The following ADGRL3 variants were observed in gnomAD, a reference collection of about 807,000 sequenced individuals.
ADGRL3 encodes the protein adhesion G protein-coupled receptor L3.
Under a neutral mutation model 153.5 loss-of-function variants are expected in ADGRL3, and 62 were observed. That is an observed-to-expected ratio of 0.40 (90% CI 0.33 to 0.50). The LOEUF is 0.50. Ranked by LOEUF, ADGRL3 falls within the 20% of genes least tolerant of loss-of-function variation. The pLI, the probability that ADGRL3 is intolerant of heterozygous loss-of-function variation, is 0.47. For synonymous variants in ADGRL3, 710 were observed against 672.5 expected, an observed-to-expected ratio of 1.06 and a Z score of -0.86; for missense variants, 1,641 against 1,859.4, an observed-to-expected ratio of 0.88 and a Z score of 2.16.
chr4:61,527,214 G>GA (rs1359237127), intron 4 of ADGRL3, among the ~76,000 whole-genome samples: 3 of 151,814 alleles, frequency 2.0e-5, no homozygotes, highest in Admixed American at 6.6e-5. Flanking sequence ...ACATCTGAAA[G>GA]AAAAAATATA....
At chr4:61,363,384 T>C (rs958050659) in intron 1 of ADGRL3, among the ~76,000 whole-genome samples, 2 of 152,154 alleles carry the variant, frequency 1.3e-5, no homozygotes, top group African/African-American at 4.8e-5. Context: ...AGTTTGTTCT[T>C]CATTTACTCT....
intron 9 of ADGRL3, among the ~76,000 whole-genome samples, chr4:61,851,836 A>G (rs2098207701): frequency 6.6e-6 from 1 of 152,176 alleles, no homozygotes; most frequent in African/African-American, 2.4e-5. Context: ...AATAGATCCA[A>G]TGTGTTGACT....
chr4:61,514,838 G>A (rs999469393), intron 3 of ADGRL3, among the ~76,000 whole-genome samples: 5 of 151,972 alleles, frequency 3.3e-5, no homozygotes, highest in South Asian at 2.1e-4. Flanking sequence ...TTCTATTGAC[G>A]TGTGTTTTTA....
chr4:61,711,458 TTATA>T (rs1167827672), intron 6 of ADGRL3, among the ~76,000 whole-genome samples: 1,526 of 34,686 alleles, frequency 0.044, 137 homozygotes, highest in African/African-American at 0.14. Context: ...ATATGCTTCA[TTATA>T]TATATATATA....
intron 21 of ADGRL3, among the ~76,000 whole-genome samples, chr4:62,001,770 T>C (rs1358738355): frequency 7.2e-5 from 11 of 151,870 alleles, no homozygotes; most frequent in Admixed American, 7.2e-4. Context: ...TCTGGAAAAC[T>C]TTTTTTTAGT....
chr4:61,221,804 A>G (rs11131309), intron 1 of ADGRL3, among the ~76,000 whole-genome samples: 98,513 of 151,918 alleles, frequency 0.65, 32,260 homozygotes, highest in Middle Eastern at 0.73. Flanking sequence ...CAGATGTTGC[A>G]AAGTTGTTAT....
chr4:61,255,642 T>C (rs528830379), intron 1 of ADGRL3, among the ~76,000 whole-genome samples: 4 of 152,342 alleles, frequency 2.6e-5, no homozygotes, highest in African/African-American at 9.6e-5. Context: ...TCCATTATTA[T>C]TATTTTACAG....
Position 61,954,242 on chromosome 4 carries a change from T to A in ADGRL3, c.2805+5966T>A, listed in dbSNP as rs73222010. Among the ~76,000 whole-genome samples, 1,125 of 152,168 alleles carry A rather than the reference T, an allele frequency of 7.4e-3. 5 individuals are homozygous for A. Among genetic ancestry groups the A allele is most frequent in the African/African-American group, 0.026 (1,060 of 41,526 alleles). On this transcript the variant is annotated intron_variant, in intron 17 of 26. Transcript: ENST00000683033. The stretch of plus-strand genomic sequence containing the variant: ...GCATGCATCACCTTTTATTTGTTTA[T>A]TTTCATTCATACTGCACACTCAATC...
intron 1 of ADGRL3, among the ~76,000 whole-genome samples, chr4:61,284,951 G>A (rs931114182): frequency 2.0e-4 from 29 of 148,108 alleles, no homozygotes; most frequent in African/African-American, 7.3e-4. Context: ...GTTTTTTCAT[G>A]TATGTTACCA....
intron 1 of ADGRL3, among the ~76,000 whole-genome samples, chr4:61,218,316 C>CT (rs58537809): frequency 0.074 from 10,997 of 148,050 alleles, 1,024 homozygotes; most frequent in African/African-American, 0.22. Flanking sequence ...TTAAGTGCTT[C>CT]TTTTTTTTTT....
chr4:61,673,860 A>G (rs2095091247), intron 5 of ADGRL3, among the ~76,000 whole-genome samples: 1 of 151,162 alleles, frequency 6.6e-6, no homozygotes, highest in Non-Finnish European at 1.5e-5. Flanking sequence ...TGAAAGGTGA[A>G]TGTTATAAAT....
At chr4:61,932,664 A>C (rs2098822390) in intron 13 of ADGRL3, among the ~76,000 whole-genome samples, 1 of 152,154 alleles carries the variant, frequency 6.6e-6, no homozygotes, top group Non-Finnish European at 1.5e-5. Context: ...CTTTGGTGTC[A>C]AAGTAATGCT....
intron 18 of ADGRL3, among the ~76,000 whole-genome samples, chr4:61,982,812 C>T (rs1481440674): frequency 2.0e-5 from 3 of 152,130 alleles, no homozygotes; most frequent in Non-Finnish European, 4.4e-5. Context: ...TTTTCCAACA[C>T]CACCTTAAAT....
intron 1 of ADGRL3, among the ~76,000 whole-genome samples, chr4:61,356,922 A>G (rs751454482): frequency 2.0e-5 from 3 of 152,006 alleles, no homozygotes; most frequent in Non-Finnish European, 2.9e-5. Context: ...TGTTTTCTCA[A>G]TGTACTCATT....
intron 9 of ADGRL3, among the ~76,000 whole-genome samples, chr4:61,816,150 T>C (rs2097686432): frequency 3.3e-5 from 5 of 152,308 alleles, no homozygotes; most frequent in Admixed American, 2.6e-4. Context: ...ATTCAGTTCC[T>C]CATACAAGAT....
rs1478917692 is a variant in ADGRL3, at chr4:61,414,025, A to G, written c.-174+30836A>G. ...TATAATTTTTCTATAGTCATTGTGA[A>G]TATTTATGTCCAAAAGGCCTGTTTC... On this transcript the variant is annotated intron_variant, in intron 2 of 26. Coordinates refer to ENST00000683033, the MANE Select transcript of ADGRL3 (RefSeq NM_001387552.1). Among the ~76,000 whole-genome samples, 5 of 152,198 alleles carry G rather than the reference A, an allele frequency of 3.3e-5. No homozygotes were observed. In the East Asian group the frequency reaches 9.6e-4, roughly 29 times the overall value.
intron 23 of ADGRL3, among the ~76,000 whole-genome samples, chr4:62,032,844 A>G (rs1410423853): frequency 6.6e-6 from 1 of 151,644 alleles, no homozygotes; most frequent in Non-Finnish European, 1.5e-5. Flanking sequence ...ATAGAGTAGT[A>G]AAGATGAGTC....
At chr4:61,804,925 A>C (rs2097536838) in intron 8 of ADGRL3, among the ~76,000 whole-genome samples, 1 of 141,904 alleles carries the variant, frequency 7.0e-6, no homozygotes. Flanking sequence ...CTGTGCCTTT[A>C]TTTATTTATT....
intron 26 of ADGRL3, among the ~76,000 whole-genome samples, chr4:62,068,558 C>G (rs183900275): frequency 5.3e-5 from 8 of 152,064 alleles, no homozygotes; most frequent in African/African-American, 1.7e-4. Context: ...GTTTTCAGCC[C>G]GTACCTAATG....
Sources: gnomAD v4.1 joint callset for allele counts (sites outside exome capture counted in the v4.1 genomes callset) on GRCh38, gnomAD v4.1.1 for gene constraint, MANE v1.5 for transcripts, NCBI Gene and HGNC (gene_info 2026-07-23, HGNC 2026-07-21) for gene names.